NPAS3: variants seen among roughly 807,000 people sequenced by gnomAD.
NPAS3 encodes the protein neuronal PAS domain protein 3.
A neutral mutation model predicts 73.1 loss-of-function variants in NPAS3; 14 were observed. The observed-to-expected ratio is 0.19, with a 90% CI of 0.13 to 0.30. The LOEUF is 0.30. NPAS3 is among the 10% of genes least tolerant of loss of function. The pLI is 1.00. For missense variants in NPAS3, 1,096 were observed against 1,250.0 expected, an observed-to-expected ratio of 0.88 and a Z score of 1.86; for synonymous variants, 620 against 541.5, an observed-to-expected ratio of 1.14 and a Z score of -2.01.
chr14:33,203,117 A>G (rs945969031), intron 2 of NPAS3, among the ~76,000 whole-genome samples: 1 of 152,246 alleles, frequency 6.6e-6, no homozygotes, highest in Non-Finnish European at 1.5e-5. Flanking sequence ...TACTTTTCAG[A>G]TAAAGACATT....
Position 33,321,839 on chromosome 14 carries a change from G to A in NPAS3, c.386-45347G>A, listed in dbSNP as rs1467400590. Among the ~76,000 whole-genome samples, 4 of 152,054 alleles carry A rather than the reference G, an allele frequency of 2.6e-5. No homozygotes were observed. The East Asian group carries it at 7.7e-4, about 29-fold the overall frequency. On this transcript the variant is annotated intron_variant, in intron 3 of 11. Coordinates refer to ENST00000356141, the Ensembl canonical transcript of NPAS3. ...ATATAGATGATATTGTCCAGTAACTGGAAAGTTCTTAAGACACAGGCAAAA... is the reference window on the plus strand; with the variant it reads ...ATATAGATGATATTGTCCAGTAACTAGAAAGTTCTTAAGACACAGGCAAAA...
chr14:33,316,774 A>C (rs1234922394), intron 3 of NPAS3, among the ~76,000 whole-genome samples: 3 of 152,098 alleles, frequency 2.0e-5, no homozygotes, highest in Non-Finnish European at 4.4e-5. Flanking sequence ...GTTAGAGGCC[A>C]GTTGTGTGCT....
At chr14:33,552,907 G>A (rs192667821) in intron 4 of NPAS3, among the ~76,000 whole-genome samples, 6 of 152,270 alleles carry the variant, frequency 3.9e-5, no homozygotes, top group Admixed American at 2.6e-4. Context: ...GAAGTCTACC[G>A]TTCAGTAATT....
chr14:33,703,845 A>G (rs1273236503), intron 6 of NPAS3, among the ~76,000 whole-genome samples: 2 of 152,192 alleles, frequency 1.3e-5, no homozygotes, highest in African/African-American at 2.4e-5. Flanking sequence ...ACTCATCTCA[A>G]GATCACACAC....
At chr14:33,797,617 C>CT (rs1367932088) in intron 11 of NPAS3, 36 bp downstream of exon 11, 1 of 1,609,726 alleles carries the variant, frequency 6.2e-7, no homozygotes, top group Non-Finnish European at 8.5e-7. Flanking sequence ...TTCAGTGAAG[C>CT]TTGCCCACCA....
At chr14:33,335,842 G>T (rs1210742606) in intron 3 of NPAS3, among the ~76,000 whole-genome samples, 11 of 152,132 alleles carry the variant, frequency 7.2e-5, no homozygotes, top group Non-Finnish European at 1.5e-4. Context: ...TTATTTACCA[G>T]TTGTTGGACA....
At chr14:33,727,106 C>T (rs896932142) in intron 6 of NPAS3, among the ~76,000 whole-genome samples, 2 of 152,004 alleles carry the variant, frequency 1.3e-5, no homozygotes, top group Non-Finnish European at 2.9e-5. Flanking sequence ...TTTAAAATAC[C>T]GTATGTGGGC....
intron 4 of NPAS3, among the ~76,000 whole-genome samples, chr14:33,442,054 C>T (rs74042088): frequency 0.076 from 11,558 of 152,152 alleles, 821 homozygotes; most frequent in African/African-American, 0.19. Flanking sequence ...CATGATTCCT[C>T]GTATGACATA....
Position 33,488,776 on chromosome 14 carries a change from C to T in NPAS3, c.469-71345C>T, listed in dbSNP as rs143444780. ...GGCACAGTTCTGGGTGTGCACAGAG[C>T]TGGCAGAACTGGAGAAATGCGCTTT... On this transcript the variant is annotated intron_variant, in intron 4 of 11. Coordinates refer to ENST00000356141, the Ensembl canonical transcript of NPAS3. Among the ~76,000 whole-genome samples, 513 of 152,262 alleles carry T rather than the reference C, an allele frequency of 3.4e-3. 1 individual carries two copies. The highest frequency in any genetic ancestry group is 4.8e-3 in the Non-Finnish European group (328 of 68,028).
At chr14:33,070,453 T>C (rs2041446363) in intron 2 of NPAS3, among the ~76,000 whole-genome samples, 1 of 152,216 alleles carries the variant, frequency 6.6e-6, no homozygotes, top group Non-Finnish European at 1.5e-5. Context: ...TGCCTGGTAC[T>C]TCTGTGAGGC....
At chr14:33,726,536 C>T (rs4433720) in intron 6 of NPAS3, among the ~76,000 whole-genome samples, 2,782 of 152,254 alleles carry the variant, frequency 0.018, 94 homozygotes, top group African/African-American at 0.06. Flanking sequence ...TCCTCTGAGA[C>T]GCCACCATGT....
chr14:33,386,150 G>C (rs940112564), intron 4 of NPAS3, among the ~76,000 whole-genome samples: 2 of 151,872 alleles, frequency 1.3e-5, no homozygotes, highest in Admixed American at 6.6e-5. Flanking sequence ...TTACATCAGT[G>C]CAGTATACTC....
At chr14:33,364,222 T>A (rs909644186) in intron 3 of NPAS3, among the ~76,000 whole-genome samples, 5 of 152,152 alleles carry the variant, frequency 3.3e-5, no homozygotes, top group African/African-American at 1.2e-4. Flanking sequence ...TTAGTTGTTT[T>A]AGATCATTAA....
At chr14:33,607,144 T>C (rs1177034846) in intron 5 of NPAS3, among the ~76,000 whole-genome samples, 2 of 152,198 alleles carry the variant, frequency 1.3e-5, no homozygotes, top group Non-Finnish European at 2.9e-5. Flanking sequence ...ATATGCATAC[T>C]ATATGACCTA....
At chr14:33,537,177 A>G (rs186220102) in intron 4 of NPAS3, among the ~76,000 whole-genome samples, 20 of 152,284 alleles carry the variant, frequency 1.3e-4, no homozygotes, top group African/African-American at 4.1e-4. Flanking sequence ...TGTGGCTAAA[A>G]TAAATGAACA....
chr14:33,721,758 A>G (rs765875630), intron 6 of NPAS3, among the ~76,000 whole-genome samples: 1 of 152,210 alleles, frequency 6.6e-6, no homozygotes, highest in African/African-American at 2.4e-5. Context: ...TTTGAGTAAA[A>G]CATGAGGATA....
At chr14:33,612,326 A>G (rs1054953889) in intron 5 of NPAS3, 1 of 447,430 alleles carries the variant, frequency 2.2e-6, no homozygotes, top group Non-Finnish European at 4.5e-6. Flanking sequence ...CAACACATCC[A>G]GCTGAGCCCC....
intron 6 of NPAS3, among the ~76,000 whole-genome samples, chr14:33,722,314 C>T (rs779052774): frequency 6.6e-6 from 1 of 152,140 alleles, no homozygotes; most frequent in African/African-American, 2.4e-5. Context: ...ACCCCATTTT[C>T]CCCATCACCA....
chr14:33,767,209 C>T (rs1234527923), intron 7 of NPAS3, among the ~76,000 whole-genome samples: 4 of 152,176 alleles, frequency 2.6e-5, no homozygotes, highest in Non-Finnish European at 5.9e-5. Flanking sequence ...GCAGATTCTC[C>T]AGCCTATGAA....
Sources: gnomAD v4.1 joint callset for allele counts (sites outside exome capture counted in the v4.1 genomes callset) on GRCh38, gnomAD v4.1.1 for gene constraint, MANE v1.5 for transcripts, NCBI Gene and HGNC (gene_info 2026-07-23, HGNC 2026-07-21) for gene names.